INTS2: variants seen among roughly 807,000 people sequenced by gnomAD.
INTS2 encodes the protein KIAA1287.
INTS2 carries 57 observed loss-of-function variants against 139.6 expected under a neutral mutation model. That is an observed-to-expected ratio of 0.41 (90% confidence interval 0.33 to 0.51). The LOEUF is 0.51. Among genes scored for constraint, INTS2 ranks in the 20% least tolerant of loss-of-function variants. INTS2 has a pLI of 0.28. For missense variants in INTS2, 1,196 were observed against 1,436.7 expected (o/e 0.83, Z 2.71); for synonymous variants, 473 against 493.4 (o/e 0.96, Z 0.55).
intron 16 of INTS2, among the ~76,000 whole-genome samples, chr17:61,881,946 A>C (rs868778917): frequency 2.0e-5 from 3 of 152,192 alleles, no homozygotes; most frequent in African/African-American, 7.2e-5. Flanking sequence ...GAGGAAAGAA[A>C]AGGAGGAGAA....
rs1444332814 is a variant in INTS2, at chr17:61,897,121, TTGATA to T, written c.1494+343_1494+347del. ...AAATTATACTGTATTATAATATTTA[TTGATA>T]TGAGTAAATGCTCATCATATATTAA... On this transcript the variant is annotated intron_variant, in intron 11 of 24. Transcript: ENST00000251334. This position sits in a 1 kb window ranked among gnomAD's most constrained non-coding sequence, Gnocchi z 4.4. Among the ~76,000 whole-genome samples the T allele has an allele frequency of 6.6e-6, 1 of 152,140 alleles. No homozygotes were observed. The highest frequency in any genetic ancestry group is 2.4e-5 in the African/African-American group (1 of 41,450).
chr17:61,926,157 A>C (rs138491417), intron 2 of INTS2, among the ~76,000 whole-genome samples, 195 bp downstream of exon 2: 28 of 152,338 alleles, frequency 1.8e-4, no homozygotes, highest in Non-Finnish European at 5.9e-5. Flanking sequence ...GCACATTGCC[A>C]TATTTCTCTA....
chr17:61,888,604 T>G (rs768128351), intron 15 of INTS2, among the ~76,000 whole-genome samples: 3 of 150,712 alleles, frequency 2.0e-5, no homozygotes, highest in Non-Finnish European at 4.4e-5. Flanking sequence ...GATGGGCATC[T>G]TGCTGTTTTC....
rs1400231854 is a variant in INTS2 at position 61,891,453 on chromosome 17, TTAAG to T, written c.1875+56_1875+59del. ...TCTGATAGGAAAATAAAAATATGGG[TTAAG>T]TAAGAAGAACTAAAAGAAAAATAAG... On this transcript the variant is annotated intron_variant, in intron 14 of 24. Transcript: ENST00000251334. The T allele has an allele frequency of 1.1e-5, 14 of 1,279,064 alleles. No homozygotes were observed. In the Admixed American group the frequency reaches 2.9e-4, roughly 26 times the overall value. 79.2% of individuals were successfully genotyped at this position (1,279,064 alleles called of 1,614,324 possible).
intron 5 of INTS2, among the ~76,000 whole-genome samples, chr17:61,914,596 G>A (rs945739887): frequency 3.0e-4 from 46 of 151,938 alleles, no homozygotes; most frequent in African/African-American, 8.2e-4. Flanking sequence ...CCAGCTACTC[G>A]GGAGGCTGAG....
chr17:61,878,804 T>G (rs972474648), intron 17 of INTS2, among the ~76,000 whole-genome samples: 5 of 151,222 alleles, frequency 3.3e-5, no homozygotes, highest in Non-Finnish European at 5.9e-5. Context: ...TAGCTGGATG[T>G]GGTGGTGTAC....
At chr17:61,880,000 G>A (rs1388714494) in intron 17 of INTS2, among the ~76,000 whole-genome samples, 1 of 152,074 alleles carries the variant, frequency 6.6e-6, no homozygotes, top group African/African-American at 2.4e-5. Context: ...ATTTAACAGT[G>A]CTGATCTAGA....
chr17:61,923,274 G>C (rs1209002180), intron 3 of INTS2, among the ~76,000 whole-genome samples: 1 of 150,884 alleles, frequency 6.6e-6, no homozygotes, highest in Non-Finnish European at 1.5e-5. Context: ...TCAGGAGATC[G>C]AGACCATCCT....
chr17:61,880,255 G>A (rs2079165826), intron 17 of INTS2, among the ~76,000 whole-genome samples: 1 of 151,532 alleles, frequency 6.6e-6, no homozygotes, highest in South Asian at 2.1e-4. Flanking sequence ...ACTGTGTTAG[G>A]CAGGATGGTC....
intron 16 of INTS2, among the ~76,000 whole-genome samples, chr17:61,884,010 AAAG>A (rs1340473748): frequency 6.6e-6 from 1 of 151,810 alleles, no homozygotes; most frequent in Non-Finnish European, 1.5e-5. Context: ...AGAAAAAAAA[AAAG>A]AAAGAAAGAA....
rs1161171995 is a variant in INTS2 at position 61,893,552 on chromosome 17, G to A, written c.1698+213C>T. 4.0e-5 allele frequency among the ~76,000 whole-genome samples: 6 copies of A among 151,816 alleles called. No individual in the cohort carries two copies. The highest frequency in any genetic ancestry group is 7.3e-5 in the African/African-American group (3 of 41,304). On this transcript the variant is annotated intron_variant, in intron 13 of 24. Transcript: ENST00000251334. The surrounding 1 kb of genome is among the most constrained non-coding windows in gnomAD (Gnocchi z 5.4). ...TCTACTAAAAATACAAAAATTAGCC[G>A]GGCATGGTGGCACACACCTGTAGTC...
intron 6 of INTS2, 97 bp downstream of exon 6, chr17:61,911,843 A>G: frequency 6.9e-7 from 1 of 1,450,452 alleles, no homozygotes; most frequent in Non-Finnish European, 9.3e-7. Flanking sequence ...GTATATAAAT[A>G]AAATTCCCCA....
intron 9 of INTS2, among the ~76,000 whole-genome samples, chr17:61,901,401 T>TA (rs1263123443): frequency 6.6e-6 from 1 of 151,078 alleles, no homozygotes; most frequent in Non-Finnish European, 1.5e-5. Flanking sequence ...GCAATACAAA[T>TA]AATAAAATCT....
chr17:61,922,440 A>C (rs1475736250), intron 3 of INTS2, among the ~76,000 whole-genome samples: 11 of 143,630 alleles, frequency 7.7e-5, no homozygotes, highest in Non-Finnish European at 1.7e-4. Flanking sequence ...TGCACTCCAC[A>C]CTGGGAGACA....
intron 9 of INTS2, among the ~76,000 whole-genome samples, chr17:61,903,801 G>A (rs1466051496): frequency 6.6e-6 from 1 of 152,086 alleles, no homozygotes; most frequent in Non-Finnish European, 1.5e-5. Context: ...AGGAGAATGA[G>A]AGGATAGGAA....
chr17:61,870,323 A>G lies in INTS2; in HGVS notation c.2779-335T>C, dbSNP rs2079079003. On this transcript the variant is annotated intron_variant, in intron 20 of 24. Coordinates refer to ENST00000251334, the MANE Select transcript of INTS2 (RefSeq NM_001351695.2). The surrounding 1 kb of genome is among the most constrained non-coding windows in gnomAD (Gnocchi z 4.4). ...TAAGAATATCTACTAGAAGAGTATC[A>G]TGAATTCAGTTACATCCAAAACAGG... is the stretch of plus-strand genomic sequence containing the variant. Among the ~76,000 whole-genome samples the G allele has an allele frequency of 1.3e-5, 2 of 152,246 alleles. No individual in the cohort carries two copies. Among genetic ancestry groups the G allele is most frequent in the African/African-American group, 4.8e-5 (2 of 41,464 alleles).
At position 61,877,872 on chromosome 17, in the gene INTS2, A is replaced by G. The variant is rs953379806; in HGVS notation, c.2456+15T>C. 4.4e-6 allele frequency: 7 copies of G among 1,580,284 alleles called. No homozygotes were observed. The African/African-American group carries it at 6.7e-5, about 15-fold the overall frequency. On this transcript the variant is annotated intron_variant, in intron 18 of 24. Transcript: ENST00000251334. ...ATATAATTATCTATTACATGTAACA[A>G]TACACTGAATTTACCTTCTAGGCAT...
At chr17:61,926,250 A>C in intron 2 of INTS2, 102 bp downstream of exon 2, 1 of 968,232 alleles carries the variant, frequency 1.0e-6, no homozygotes, top group Non-Finnish European at 1.5e-6. Context: ...TGCTCTCCAG[A>C]ATTTAGATTC....
chr17:61,904,874 A>T (rs1355873475), intron 8 of INTS2, among the ~76,000 whole-genome samples: 2 of 152,140 alleles, frequency 1.3e-5, no homozygotes, highest in African/African-American at 4.8e-5. Context: ...ATCAATGGTG[A>T]AAAGTATGGT....
Sources: gnomAD v4.1 joint callset for allele counts (sites outside exome capture counted in the v4.1 genomes callset) on GRCh38, gnomAD v4.1.1 for gene constraint, Gnocchi (gnomAD v3.1) non-coding constraint, MANE v1.5 for transcripts, NCBI Gene and HGNC (gene_info 2026-07-23, HGNC 2026-07-21) for gene names.